The following NALF1 variants were observed in gnomAD, a reference collection of about 807,000 sequenced individuals.
The protein encoded by NALF1 is NALCN channel auxiliary factor 1, also known as family with sequence similarity 155 member A.
Under a neutral mutation model 48.4 loss-of-function variants are expected in NALF1, and 3 were observed. That is an observed-to-expected ratio of 0.06 (90% CI 0.03 to 0.16). The LOEUF (loss-of-function observed/expected upper bound fraction) is 0.16. Among genes scored for constraint, NALF1 ranks in the 10% least tolerant of loss-of-function variants. The probability of loss-of-function intolerance (pLI) is 1.00; values close to 1 mark genes in which losing one functional copy is unlikely to be tolerated. For synonymous variants in NALF1, 262 were observed against 245.7 expected, an observed-to-expected ratio of 1.07 and a Z score of -0.62; for missense variants, 526 against 571.5, an observed-to-expected ratio of 0.92 and a Z score of 0.81.
chr13:107,633,563 A>G (rs1162599182), intron 1 of NALF1, among the ~76,000 whole-genome samples: 1 of 151,910 alleles, frequency 6.6e-6, no homozygotes, highest in Non-Finnish European at 1.5e-5. Context: ...GGTCTTTGTG[A>G]TATCGTACAT....
At chr13:107,194,066 A>G (rs1879343632) in intron 2 of NALF1, among the ~76,000 whole-genome samples, 2 of 151,096 alleles carry the variant, frequency 1.3e-5, no homozygotes, top group African/African-American at 2.5e-5. Context: ...CTATATATCA[A>G]TCTATCGTTT....
At chr13:107,741,237 A>G (rs1334461777) in intron 1 of NALF1, among the ~76,000 whole-genome samples, 1 of 152,210 alleles carries the variant, frequency 6.6e-6, no homozygotes, top group Non-Finnish European at 1.5e-5. Flanking sequence ...TCCACTAACT[A>G]TGGAGACCTT....
intron 1 of NALF1, among the ~76,000 whole-genome samples, chr13:107,582,853 C>G (rs539084774): frequency 3.9e-5 from 6 of 152,212 alleles, no homozygotes; most frequent in Admixed American, 2.6e-4. Flanking sequence ...CAATGTGTAG[C>G]CTAAAATGAG....
At chr13:107,209,078 T>G (rs950130414) in intron 2 of NALF1, among the ~76,000 whole-genome samples, 2 of 151,988 alleles carry the variant, frequency 1.3e-5, no homozygotes, top group Admixed American at 1.3e-4. Flanking sequence ...TGGGGGAGGG[T>G]TTGGCCATTG....
chr13:107,278,324 T>A (rs1247865791), intron 1 of NALF1, among the ~76,000 whole-genome samples: 2 of 152,220 alleles, frequency 1.3e-5, no homozygotes, highest in African/African-American at 4.8e-5. Flanking sequence ...TTAGACTTTT[T>A]AAAAAATTGG....
At chr13:107,361,668 G>A (rs761945110) in intron 1 of NALF1, among the ~76,000 whole-genome samples, 1 of 152,184 alleles carries the variant, frequency 6.6e-6, no homozygotes, top group Non-Finnish European at 1.5e-5. Flanking sequence ...GGTGAAAAGT[G>A]AAGGAATTAA....
intron 1 of NALF1, among the ~76,000 whole-genome samples, chr13:107,581,502 T>C (rs1370295663): frequency 6.6e-6 from 1 of 152,160 alleles, no homozygotes; most frequent in East Asian, 1.9e-4. Context: ...AAATCAATGG[T>C]CTTGCTAATT....
At chr13:107,725,844 G>A (rs1876133661) in intron 1 of NALF1, among the ~76,000 whole-genome samples, 1 of 152,178 alleles carries the variant, frequency 6.6e-6, no homozygotes. Context: ...CAGATTACAA[G>A]GAAATTCAAC....
intron 2 of NALF1, among the ~76,000 whole-genome samples, chr13:107,209,417 G>T (rs935722729): frequency 1.3e-5 from 2 of 151,584 alleles, no homozygotes; most frequent in African/African-American, 4.9e-5. Context: ...TGAGGCATGA[G>T]AATCACTTGA....
intron 1 of NALF1, among the ~76,000 whole-genome samples, chr13:107,747,985 G>GT (rs1214063090): frequency 2.0e-5 from 3 of 152,106 alleles, no homozygotes; most frequent in African/African-American, 7.2e-5. Context: ...AAGGAACATC[G>GT]TAAGTAAACT....
chr13:107,832,243 T>A (rs775614619), intron 1 of NALF1, among the ~76,000 whole-genome samples: 48 of 151,770 alleles, frequency 3.2e-4, no homozygotes, highest in Admixed American at 7.9e-4. Flanking sequence ...ATCATTAATA[T>A]AATATTTATT....
intron 1 of NALF1, among the ~76,000 whole-genome samples, chr13:107,607,799 C>T (rs145618459): frequency 3.0e-4 from 46 of 152,234 alleles, no homozygotes; most frequent in South Asian, 2.1e-3. Context: ...AGAAAAATAC[C>T]GGAAGCCACC....
intron 1 of NALF1, among the ~76,000 whole-genome samples, chr13:107,488,153 T>C (rs919203103): frequency 1.3e-4 from 20 of 152,102 alleles, no homozygotes; most frequent in Admixed American, 1.3e-3. Flanking sequence ...ATTTGAATCT[T>C]CTTTCTTTTC....
chr13:107,257,348 C>A (rs530202403), intron 1 of NALF1, among the ~76,000 whole-genome samples: 1 of 152,268 alleles, frequency 6.6e-6, no homozygotes, highest in South Asian at 2.1e-4. Flanking sequence ...TCTCTCCTCC[C>A]ATGGGGCATA....
chr13:107,778,601 T>TTTTG (rs1162207517), intron 1 of NALF1, among the ~76,000 whole-genome samples: 2 of 151,410 alleles, frequency 1.3e-5, no homozygotes, highest in African/African-American at 2.4e-5. Context: ...TTTTCTGTTT[T>TTTTG]TTTGTTTGTT....
chr13:107,849,717 G>A (rs1033475543), intron 1 of NALF1, among the ~76,000 whole-genome samples: 12 of 152,292 alleles, frequency 7.9e-5, no homozygotes, highest in African/African-American at 2.9e-4. Context: ...CTCAATTGGA[G>A]GAGTGTCAAA....
intron 1 of NALF1, among the ~76,000 whole-genome samples, chr13:107,479,170 A>G (rs1420874036): frequency 6.6e-6 from 1 of 152,072 alleles, no homozygotes; most frequent in African/African-American, 2.4e-5. Flanking sequence ...TTCTGATCCC[A>G]CTGTCCTCTC....
intron 1 of NALF1, among the ~76,000 whole-genome samples, chr13:107,357,489 T>C (rs1477825044): frequency 6.6e-6 from 1 of 152,018 alleles, no homozygotes. Flanking sequence ...TAGAAAGCAA[T>C]AGCTGCCTTA....
chr13:107,451,782 C>T (rs1249502850), intron 1 of NALF1, among the ~76,000 whole-genome samples: 1 of 152,158 alleles, frequency 6.6e-6, no homozygotes, highest in Non-Finnish European at 1.5e-5. Context: ...TCTATCCCTC[C>T]TCTCTAAGTG....
Sources: allele counts gnomAD v4.1 joint callset (sites outside exome capture counted in the v4.1 genomes callset), GRCh38; gene constraint gnomAD v4.1.1; transcripts MANE v1.5; gene names NCBI Gene and HGNC (gene_info 2026-07-23, HGNC 2026-07-21).